The following APBA1 variants were observed in gnomAD, a reference collection of about 807,000 sequenced individuals.
APBA1 encodes the protein amyloid beta precursor protein binding family A member 1.
APBA1 carries 55 observed loss-of-function variants against 86.6 expected under a neutral mutation model. The observed-to-expected ratio is 0.64, with a 90% CI of 0.51 to 0.80. The LOEUF is 0.80. Among genes scored for constraint, APBA1 ranks in the 30% least tolerant of loss-of-function variants. APBA1 has a pLI of 0.00. For synonymous variants in APBA1, 511 were observed against 493.9 expected, an observed-to-expected ratio of 1.03 and a Z score of -0.46; for missense variants, 1,090 against 1,183.0, an observed-to-expected ratio of 0.92 and a Z score of 1.15.
At chr9:69,557,838 C>A (rs1269026019) in intron 1 of APBA1, among the ~76,000 whole-genome samples, 1 of 152,142 alleles carries the variant, frequency 6.6e-6, no homozygotes, top group Non-Finnish European at 1.5e-5. Context: ...CCTTTTCTGG[C>A]TGAAGATATA....
At chr9:69,657,165 C>A (rs1442148095) in intron 1 of APBA1, among the ~76,000 whole-genome samples, 1 of 152,194 alleles carries the variant, frequency 6.6e-6, no homozygotes, top group African/African-American at 2.4e-5. Flanking sequence ...ATCTAAGAGA[C>A]CTGCCTAAAA....
chr9:69,634,142 G>A (rs1360685335), intron 1 of APBA1, among the ~76,000 whole-genome samples: 1 of 152,194 alleles, frequency 6.6e-6, no homozygotes, highest in Non-Finnish European at 1.5e-5. Flanking sequence ...AAGAGGGTAG[G>A]AAAGACAGTC....
intron 1 of APBA1, among the ~76,000 whole-genome samples, chr9:69,528,941 A>T (rs7850384): frequency 2.6e-5 from 4 of 151,888 alleles, no homozygotes; most frequent in Admixed American, 1.3e-4. Flanking sequence ...TTGAGACCAC[A>T]TCACTTCAAA....
At chr9:69,570,553 T>C (rs189031792) in intron 1 of APBA1, among the ~76,000 whole-genome samples, 149 of 152,336 alleles carry the variant, frequency 9.8e-4, no homozygotes, top group Non-Finnish European at 1.7e-3. Flanking sequence ...AGATATAACA[T>C]GATAGAATGA....
chr9:69,604,016 CG>C (rs1822408649), intron 1 of APBA1, among the ~76,000 whole-genome samples: 1 of 152,094 alleles, frequency 6.6e-6, no homozygotes, highest in African/African-American at 2.4e-5. Flanking sequence ...TAATATTCCC[CG>C]GGTAAGCTCA....
At chr9:69,523,161 G>A (rs961664318) in intron 1 of APBA1, among the ~76,000 whole-genome samples, 36 of 152,088 alleles carry the variant, frequency 2.4e-4, no homozygotes, top group African/African-American at 8.7e-4. Flanking sequence ...CTCATAATGT[G>A]TAGCAGAGGC....
In APBA1 at chr9:69,431,141, GAA is replaced by G. The variant is rs772262179; in HGVS notation, c.*184_*185del. ...GTGCATACGAAACTTCCCTGGTATTGAAAAAAAAAAAAAAAAAAAAGCAAATC... is the reference window on the plus strand; with the variant it reads ...GTGCATACGAAACTTCCCTGGTATTGAAAAAAAAAAAAAAAAAAGCAAATC... On this transcript the variant is annotated 3_prime_UTR_variant, in exon 13 of 13. Transcript: ENST00000265381. The G allele has an allele frequency of 0.14, 39,689 of 279,394 alleles. 427 individuals are homozygous for G. Among genetic ancestry groups the G allele is most frequent in the Admixed American group, 0.17 (2,352 of 14,046 alleles). 17.3% of individuals were successfully genotyped at this position (279,394 alleles called of 1,614,324 possible).
At chr9:69,651,416 T>C (rs1564102885) in intron 1 of APBA1, among the ~76,000 whole-genome samples, 2 of 152,218 alleles carry the variant, frequency 1.3e-5, no homozygotes, top group African/African-American at 4.8e-5. Context: ...CTTTACTGTA[T>C]GTGTTTTACT....
At chr9:69,614,484 G>T (rs1229439969) in intron 1 of APBA1, among the ~76,000 whole-genome samples, 1 of 152,080 alleles carries the variant, frequency 6.6e-6, no homozygotes, top group Non-Finnish European at 1.5e-5. Flanking sequence ...GTCTAATATG[G>T]TATCAGTCAT....
At chr9:69,476,747 A>T (rs2133840309) in intron 2 of APBA1, among the ~76,000 whole-genome samples, 1 of 152,360 alleles carries the variant, frequency 6.6e-6, no homozygotes, top group East Asian at 1.9e-4. Context: ...CTCTTAGAAC[A>T]GTTCAAAAAT....
chr9:69,672,313 G>A lies in APBA1; in HGVS notation c.-230C>T, dbSNP rs1823969201. ...CGCCGCCGCCGCCGCCGCCGGGACC[G>A]CAGCCGCCCTCGCCCAGCTCCGGCT... On this transcript the variant is annotated 5_prime_UTR_variant, in exon 1 of 13. Coordinates refer to ENST00000265381, the MANE Select transcript of APBA1 (RefSeq NM_001163.4). The A allele has an allele frequency of 1.1e-5, 2 of 174,790 alleles. No homozygotes were observed. The highest frequency in any genetic ancestry group is 2.3e-5 in the Non-Finnish European group (2 of 85,872). The allele number at this position is 174,790 out of a possible 1,614,324, so 10.8% of individuals were successfully genotyped here. A position where few individuals can be genotyped will look rare whatever the true frequency, so the allele number is the denominator to read the frequency against.
At chr9:69,670,190 T>A in intron 1 of APBA1, among the ~76,000 whole-genome samples, 1 of 152,174 alleles carries the variant, frequency 6.6e-6, no homozygotes, top group Non-Finnish European at 1.5e-5. Flanking sequence ...CATAGACAGC[T>A]TCAAGAGCAC....
chr9:69,522,286 A>G (rs1048850811), intron 1 of APBA1, among the ~76,000 whole-genome samples: 44 of 152,156 alleles, frequency 2.9e-4, no homozygotes, highest in Admixed American at 1.2e-3. Flanking sequence ...CTGAAAAAGG[A>G]AAAATCTTTA....
intron 1 of APBA1, among the ~76,000 whole-genome samples, chr9:69,621,942 T>G (rs762335029): frequency 2.0e-5 from 3 of 152,208 alleles, no homozygotes; most frequent in Non-Finnish European, 4.4e-5. Flanking sequence ...CCGTCCCAGA[T>G]GGCAAACTGA....
intron 2 of APBA1, among the ~76,000 whole-genome samples, chr9:69,496,119 T>C (rs1835790623): frequency 2.0e-5 from 3 of 152,010 alleles, no homozygotes; most frequent in Admixed American, 1.3e-4. Context: ...ATGGCAGAAC[T>C]AAGCTGGATG....
chr9:69,450,971 A>G (rs76573658), intron 9 of APBA1, among the ~76,000 whole-genome samples: 1,579 of 152,308 alleles, frequency 0.01, 23 homozygotes, highest in African/African-American at 0.036. Flanking sequence ...CAATGCTAAC[A>G]ACACCTTGCT....
At position 69,515,995 on chromosome 9, in the gene APBA1, A is replaced by G; in HGVS notation, c.1200+16T>C. On this transcript the variant is annotated intron_variant, in intron 2 of 12. Transcript: ENST00000265381. ...ACCGCGTGGGGCCGAGGAAGCCCAA[A>G]CCCGCACCTACTTACATCTCCGTCC... is the stretch of plus-strand genomic sequence containing the variant. The G allele has an allele frequency of 6.5e-7, 1 of 1,528,204 alleles. No homozygotes were observed. Among genetic ancestry groups the G allele is most frequent in the South Asian group, 1.2e-5 (1 of 81,024 alleles). 94.7% of individuals were successfully genotyped at this position (1,528,204 alleles called of 1,614,324 possible).
chr9:69,471,700 A>G lies in APBA1; in HGVS notation c.1297-5T>C. Reference sequence around the variant, plus strand: ...TGAAGCCAAGCTTTTTCTTGACTGTAATAAAGACAAAGAGGTTTCAAAAAG... The same window carrying G: ...TGAAGCCAAGCTTTTTCTTGACTGTGATAAAGACAAAGAGGTTTCAAAAAG... On this transcript the variant is annotated splice_polypyrimidine_tract_variant and splice_region_variant and intron_variant, in intron 3 of 12. Transcript: ENST00000265381. 1 of 1,612,538 alleles carries G rather than the reference A, an allele frequency of 6.2e-7. No homozygotes were observed. The highest frequency in any genetic ancestry group is 8.5e-7 in the Non-Finnish European group (1 of 1,179,114).
chr9:69,444,015 C>T (rs977180250), intron 10 of APBA1, among the ~76,000 whole-genome samples: 1 of 152,132 alleles, frequency 6.6e-6, no homozygotes, highest in Non-Finnish European at 1.5e-5. Context: ...TCCCCACTGA[C>T]TTCTGCTTCT....
Sources: gnomAD v4.1 joint callset for allele counts (sites outside exome capture counted in the v4.1 genomes callset) on GRCh38, gnomAD v4.1.1 for gene constraint, MANE v1.5 for transcripts, NCBI Gene and HGNC (gene_info 2026-07-23, HGNC 2026-07-21) for gene names.